Variants in NOX4 observed in about 807,000 individuals in gnomAD.
The protein encoded by NOX4 is NADPH oxidase 4.
Under a neutral mutation model 87.6 loss-of-function variants are expected in NOX4, and 69 were observed. The observed-to-expected ratio is 0.79, with a 90% CI of 0.65 to 0.96. The LOEUF (loss-of-function observed/expected upper bound fraction) is 0.96, where lower values mean the gene tolerates loss of function less well. Among genes scored for constraint, NOX4 ranks in the 40% least tolerant of loss-of-function variants. NOX4 has a pLI of 0.00. For missense variants in NOX4, 680 were observed against 681.5 expected (o/e 1.00, Z 0.02); for synonymous variants, 275 against 238.2 (o/e 1.15, Z -1.42).
chr11:89,361,659 T>C (rs1938536322), intron 12 of NOX4, among the ~76,000 whole-genome samples: 1 of 152,102 alleles, frequency 6.6e-6, no homozygotes, highest in East Asian at 1.9e-4. Flanking sequence ...GAAATCTTAA[T>C]TAAAGTCACT....
At chr11:89,463,643 TAATA>T (rs1255027712) in intron 2 of NOX4, among the ~76,000 whole-genome samples, 1 of 151,210 alleles carries the variant, frequency 6.6e-6, no homozygotes, top group East Asian at 1.9e-4. Flanking sequence ...GGAGACAGGA[TAATA>T]AATAGTGTTT....
At chr11:89,336,959 A>C (rs1945739312) in intron 16 of NOX4, among the ~76,000 whole-genome samples, 1 of 152,208 alleles carries the variant, frequency 6.6e-6, no homozygotes, top group East Asian at 1.9e-4. Flanking sequence ...CATCACTTGC[A>C]AAATGGGAAT....
At chr11:89,455,107 A>C (rs10501705) in intron 2 of NOX4, among the ~76,000 whole-genome samples, 13,904 of 152,128 alleles carry the variant, frequency 0.091, 791 homozygotes, top group South Asian at 0.2. Context: ...ATGTTAGTTA[A>C]ACACAGGTCT....
intron 9 of NOX4, among the ~76,000 whole-genome samples, chr11:89,400,920 CACTT>C (rs1297212789): frequency 6.6e-6 from 1 of 151,208 alleles, no homozygotes; most frequent in Non-Finnish European, 1.5e-5. Flanking sequence ...TGTTGTTTAC[CACTT>C]ACTTTTATAT....
intron 11 of NOX4, among the ~76,000 whole-genome samples, chr11:89,384,573 C>T (rs1940547233): frequency 1.3e-5 from 2 of 152,246 alleles, no homozygotes; most frequent in African/African-American, 4.8e-5. Flanking sequence ...TTTTACCATC[C>T]TGACTAAACC....
intron 12 of NOX4, among the ~76,000 whole-genome samples, chr11:89,368,501 T>C (rs1939188326): frequency 6.6e-6 from 1 of 152,084 alleles, no homozygotes; most frequent in Non-Finnish European, 1.5e-5. Context: ...CTTACTGCTG[T>C]GTCCTTACAT....
chr11:89,337,364 C>A (rs1847131), intron 16 of NOX4, 83 bp downstream of exon 16: 4 of 1,588,232 alleles, frequency 2.5e-6, no homozygotes, highest in Non-Finnish European at 2.6e-6. Flanking sequence ...GAACCACCTG[C>A]AGGAATTTTC....
At chr11:89,474,081 A>T (rs1946063707) in intron 2 of NOX4, among the ~76,000 whole-genome samples, 1 of 152,164 alleles carries the variant, frequency 6.6e-6, no homozygotes, top group Non-Finnish European at 1.5e-5. Flanking sequence ...TTGGGAAAAT[A>T]ACGTTTAGTT....
At chr11:89,436,225 C>T (rs1157782090) in intron 6 of NOX4, among the ~76,000 whole-genome samples, 2 of 152,184 alleles carry the variant, frequency 1.3e-5, no homozygotes, top group African/African-American at 2.4e-5. Context: ...AATTGCAACA[C>T]ACGGCATTAA....
the NOX4 span, among the ~76,000 whole-genome samples, chr11:89,555,537 A>T: frequency 2.0e-5 from 3 of 152,048 alleles, no homozygotes; most frequent in African/African-American, 7.2e-5. Context: ...TCCTGTTATT[A>T]ATTTATCCTC....
At chr11:89,391,251 T>C (rs188307622) in intron 11 of NOX4, among the ~76,000 whole-genome samples, 2 of 152,076 alleles carry the variant, frequency 1.3e-5, no homozygotes, top group African/African-American at 4.8e-5. Context: ...AAAGGAAAGG[T>C]CAGGAAACTT....
chr11:89,574,241 G>A, the NOX4 span, among the ~76,000 whole-genome samples: 12 of 152,260 alleles, frequency 7.9e-5, no homozygotes, highest in African/African-American at 2.9e-4. Flanking sequence ...CAGACCTAGA[G>A]TACGCTTGTC....
the NOX4 span, among the ~76,000 whole-genome samples, chr11:89,580,827 T>A: frequency 6.6e-6 from 1 of 152,326 alleles, no homozygotes; most frequent in East Asian, 1.9e-4. Context: ...AATTGAAGTG[T>A]AACTCTAGTC....
intron 11 of NOX4, among the ~76,000 whole-genome samples, chr11:89,375,275 G>A (rs2135068562): frequency 6.6e-6 from 1 of 152,120 alleles, no homozygotes; most frequent in African/African-American, 2.4e-5. Context: ...GTGTGATTCT[G>A]TACTTAATTG....
the NOX4 span, among the ~76,000 whole-genome samples, chr11:89,526,426 C>A: frequency 6.6e-6 from 1 of 152,148 alleles, no homozygotes; most frequent in East Asian, 1.9e-4. Flanking sequence ...CTTTATAAAA[C>A]AGAGATGAAA....
intron 7 of NOX4, among the ~76,000 whole-genome samples, chr11:89,431,403 C>T (rs555843548): frequency 1.3e-5 from 2 of 152,248 alleles, no homozygotes; most frequent in Admixed American, 6.5e-5. Flanking sequence ...AAACTACCAT[C>T]AGAGTGAACA....
At chr11:89,467,207 TG>T (rs1449652076) in intron 2 of NOX4, among the ~76,000 whole-genome samples, 1 of 151,610 alleles carries the variant, frequency 6.6e-6, no homozygotes, top group Non-Finnish European at 1.5e-5. Flanking sequence ...AAAAATTAGC[TG>T]GGCCTAGTGG....
chr11:89,543,533 T>C, the NOX4 span, among the ~76,000 whole-genome samples: 1 of 152,078 alleles, frequency 6.6e-6, no homozygotes, highest in Non-Finnish European at 1.5e-5. Context: ...AAGCAATATA[T>C]ATTCCTGACA....
chr11:89,486,296 T>G (rs927060911), intron 2 of NOX4, among the ~76,000 whole-genome samples: 6 of 148,680 alleles, frequency 4.0e-5, no homozygotes, highest in East Asian at 3.9e-4. Context: ...AATAAATTTA[T>G]TTATTTAAAT....
Sources: allele counts gnomAD v4.1 joint callset (sites outside exome capture counted in the v4.1 genomes callset), GRCh38; gene constraint gnomAD v4.1.1; transcripts MANE v1.5; gene names NCBI Gene and HGNC (gene_info 2026-07-23, HGNC 2026-07-21).